The following NYAP2 variants were observed in gnomAD, a reference collection of about 807,000 sequenced individuals.
The protein encoded by NYAP2 is neuronal tyrosine-phosphorylated phosphoinositide-3-kinase adapter 2.
NYAP2 carries 23 observed loss-of-function variants against 50.4 expected under a neutral mutation model. The observed-to-expected ratio is 0.46, with a 90% CI of 0.33 to 0.65. The LOEUF (loss-of-function observed/expected upper bound fraction) is 0.65. NYAP2 is among the 30% of genes least tolerant of loss of function. The probability of loss-of-function intolerance (pLI) is 0.02; values close to 1 mark genes in which losing one functional copy is unlikely to be tolerated. For missense variants in NYAP2, 885 were observed against 861.0 expected, an observed-to-expected ratio of 1.03 and a Z score of -0.35; for synonymous variants, 394 against 365.2, an observed-to-expected ratio of 1.08 and a Z score of -0.90.
At chr2:225,687,543 A>T in the NYAP2 span, among the ~76,000 whole-genome samples, 1 of 152,200 alleles carries the variant, frequency 6.6e-6, no homozygotes, top group African/African-American at 2.4e-5. Context: ...GACATTATTG[A>T]CACATATATT....
the NYAP2 span, among the ~76,000 whole-genome samples, chr2:225,661,623 G>A: frequency 3.3e-5 from 5 of 152,070 alleles, no homozygotes; most frequent in African/African-American, 4.8e-5. Context: ...ACCAGTGAGT[G>A]GCTTTATGGA....
chr2:225,459,963 C>T (rs1229472726), intron 3 of NYAP2, among the ~76,000 whole-genome samples: 2 of 152,144 alleles, frequency 1.3e-5, no homozygotes, highest in Admixed American at 6.5e-5. Context: ...TGAGCCACAG[C>T]GCCCAGCCTC....
chr2:225,513,759 A>G (rs922852867), intron 4 of NYAP2, 87 bp downstream of exon 4: 3 of 1,033,288 alleles, frequency 2.9e-6, no homozygotes, highest in African/African-American at 3.3e-5. Flanking sequence ...TGCCTTCTTC[A>G]CTGGGCCACA....
At chr2:225,606,445 T>C (rs1692789081) in intron 5 of NYAP2, among the ~76,000 whole-genome samples, 1 of 152,184 alleles carries the variant, frequency 6.6e-6, no homozygotes, top group Non-Finnish European at 1.5e-5. Flanking sequence ...CACAAATGCC[T>C]AATTGTAATT....
chr2:225,670,080 C>T, the NYAP2 span, among the ~76,000 whole-genome samples: 4 of 152,152 alleles, frequency 2.6e-5, no homozygotes, highest in Admixed American at 6.6e-5. Context: ...TTTGCAGGCC[C>T]TACTTTGGAA....
Position 225,582,938 on chromosome 2 carries a change from C to A in NYAP2, c.1521C>A (p.Pro507=), listed in dbSNP as rs2106230377. 4 of 1,612,696 alleles carry A rather than the reference C, an allele frequency of 2.5e-6. No individual in the cohort carries two copies. The highest frequency in any genetic ancestry group is 1.7e-6 in the Non-Finnish European group (2 of 1,179,782). ...CGGGTGGCTCCCGGTCCCGGACACC[C>A]ACGAGCCCGCTGGAGGAGCTGACCA... The change falls in exon 5 of 7, where the codon CCC becomes CCA. Residue 507 remains proline (P), a synonymous_variant. Transcript: ENST00000636099. The surrounding 1 kb of genome is among the most constrained non-coding windows in gnomAD (Gnocchi z 7.0).
chr2:225,623,113 T>C (rs927033742), intron 5 of NYAP2, among the ~76,000 whole-genome samples: 2 of 152,208 alleles, frequency 1.3e-5, no homozygotes, highest in African/African-American at 4.8e-5. Context: ...TTTAAAAACC[T>C]GAAATCTTTC....
At chr2:225,477,330 G>C (rs1574634617) in intron 3 of NYAP2, among the ~76,000 whole-genome samples, 1 of 135,346 alleles carries the variant, frequency 7.4e-6, no homozygotes, top group East Asian at 2.3e-4. Context: ...TCCACCTCCT[G>C]GGTTCATGCC....
intron 3 of NYAP2, among the ~76,000 whole-genome samples, chr2:225,440,436 A>G (rs1448461406): frequency 6.6e-6 from 1 of 152,236 alleles, no homozygotes; most frequent in Non-Finnish European, 1.5e-5. Flanking sequence ...TTTGTGTTCA[A>G]ATATTCACAA....
At chr2:225,404,440 A>G (rs1411049877) in intron 2 of NYAP2, among the ~76,000 whole-genome samples, 1 of 152,026 alleles carries the variant, frequency 6.6e-6, no homozygotes, top group African/African-American at 2.4e-5. Flanking sequence ...AAACAATTGT[A>G]AAGAAATGGA....
At chr2:225,461,273 T>C (rs769338670) in intron 3 of NYAP2, among the ~76,000 whole-genome samples, 2 of 152,132 alleles carry the variant, frequency 1.3e-5, no homozygotes, top group Non-Finnish European at 2.9e-5. Flanking sequence ...TATCAAGGCT[T>C]TTTCACACAA....
intron 4 of NYAP2, among the ~76,000 whole-genome samples, chr2:225,551,776 G>T (rs889765468): frequency 2.0e-5 from 3 of 152,182 alleles, no homozygotes; most frequent in African/African-American, 7.2e-5. Context: ...CATATACACA[G>T]TAGTTGCAAC....
chr2:225,698,813 C>T, the NYAP2 span: 6 of 151,804 alleles, frequency 4.0e-5, no homozygotes, highest in African/African-American at 7.3e-5. Context: ...ACACATTATA[C>T]GTATATAAAT....
intron 3 of NYAP2, among the ~76,000 whole-genome samples, chr2:225,418,177 G>T (rs1223867773): frequency 6.6e-6 from 1 of 152,146 alleles, no homozygotes; most frequent in African/African-American, 2.4e-5. Context: ...TAAGGAAGAA[G>T]AAATGTGGAG....
chr2:225,517,307 AG>A (rs760234566), intron 4 of NYAP2, among the ~76,000 whole-genome samples: 45 of 152,140 alleles, frequency 3.0e-4, no homozygotes, highest in Non-Finnish European at 5.3e-4. Context: ...GATGATCTAA[AG>A]GGGGTTAAGT....
intron 4 of NYAP2, among the ~76,000 whole-genome samples, chr2:225,535,372 G>A (rs1005300311): frequency 6.6e-6 from 1 of 152,222 alleles, no homozygotes; most frequent in African/African-American, 2.4e-5. Context: ...AGTTCCCAAA[G>A]ATAGTTAGGA....
At chr2:225,609,243 T>C (rs948413254) in intron 5 of NYAP2, among the ~76,000 whole-genome samples, 3 of 152,126 alleles carry the variant, frequency 2.0e-5, no homozygotes, top group Admixed American at 1.3e-4. Context: ...GAGGATAGGA[T>C]GGATCCAAGA....
chr2:225,592,778 G>T (rs75345937), intron 5 of NYAP2, among the ~76,000 whole-genome samples: 2 of 152,240 alleles, frequency 1.3e-5, no homozygotes, highest in East Asian at 1.9e-4. Context: ...CTTGATTGAT[G>T]CAGGCAGATG....
the NYAP2 span, among the ~76,000 whole-genome samples, chr2:225,692,849 C>A: frequency 2.0e-5 from 3 of 151,420 alleles, no homozygotes; most frequent in Non-Finnish European, 1.5e-5. Flanking sequence ...AGAATATAGT[C>A]TCTTCACTTA....
Sources: gnomAD v4.1 joint callset for allele counts (sites outside exome capture counted in the v4.1 genomes callset) on GRCh38, gnomAD v4.1.1 for gene constraint, Gnocchi (gnomAD v3.1) non-coding constraint, MANE v1.5 for transcripts, NCBI Gene and HGNC (gene_info 2026-07-23, HGNC 2026-07-21) for gene names.